The following ANKRD44 variants were observed in gnomAD, a reference collection of about 807,000 sequenced individuals.
ANKRD44 encodes serine/threonine-protein phosphatase 6 regulatory ankyrin repeat subunit B.
In ANKRD44, 35 loss-of-function variants were observed where a neutral mutation model predicts 116.0. The ratio of observed to expected loss-of-function variants is 0.30; its 90% CI spans 0.23 to 0.40. The LOEUF is 0.40. Among genes scored for constraint, ANKRD44 ranks in the 10% least tolerant of loss-of-function variants. The probability of loss-of-function intolerance (pLI) is 1.00; values close to 1 mark genes in which losing one functional copy is unlikely to be tolerated. For synonymous variants in ANKRD44, 435 were observed against 461.8 expected (o/e 0.94, Z 0.74); for missense variants, 1,014 against 1,242.6 (o/e 0.82, Z 2.77).
chr2:197,098,805 G>C (rs2078223449), intron 10 of ANKRD44, among the ~76,000 whole-genome samples: 1 of 152,122 alleles, frequency 6.6e-6, no homozygotes, highest in African/African-American at 2.4e-5. Context: ...AGTATTACTA[G>C]TATTACTACA....
chr2:197,279,919 T>C (rs2083214981), intron 1 of ANKRD44, among the ~76,000 whole-genome samples: 1 of 152,204 alleles, frequency 6.6e-6, no homozygotes, highest in African/African-American at 2.4e-5. Flanking sequence ...GAATCTCACC[T>C]CTTCGCCTCA....
At chr2:197,174,888 G>T (rs148452701) in intron 2 of ANKRD44, among the ~76,000 whole-genome samples, 1 of 152,186 alleles carries the variant, frequency 6.6e-6, no homozygotes, top group Admixed American at 6.5e-5. Context: ...GATCAGGGGA[G>T]GTGTCCCAGA....
chr2:197,079,134 A>G (rs2077737915), intron 15 of ANKRD44, among the ~76,000 whole-genome samples: 1 of 152,128 alleles, frequency 6.6e-6, no homozygotes, highest in Non-Finnish European at 1.5e-5. Flanking sequence ...AAGATTACTG[A>G]ATAGCAAGTT....
downstream of ANKRD44, among the ~76,000 whole-genome samples, chr2:196,983,132 A>G (rs560065985): frequency 1.6e-4 from 24 of 152,260 alleles, no homozygotes; most frequent in African/African-American, 4.3e-4. Context: ...ACCATGGCAC[A>G]TGTATACCTA....
intron 16 of ANKRD44, among the ~76,000 whole-genome samples, chr2:197,033,700 G>C (rs2076751899): frequency 6.8e-6 from 1 of 147,380 alleles, no homozygotes; most frequent in Non-Finnish European, 1.5e-5. Context: ...GTCTGTTTAT[G>C]TCTCTAACAA....
chr2:197,262,487 T>G (rs2082631095), intron 1 of ANKRD44, among the ~76,000 whole-genome samples: 1 of 152,214 alleles, frequency 6.6e-6, no homozygotes, highest in African/African-American at 2.4e-5. Context: ...TTCTGAAGCC[T>G]TTTCTCATTT....
intron 27 of ANKRD44, among the ~76,000 whole-genome samples, chr2:196,991,369 T>C (rs2075912587): frequency 6.6e-6 from 1 of 152,144 alleles, no homozygotes; most frequent in East Asian, 1.9e-4. Flanking sequence ...ACAATGACTT[T>C]CCATTGTTAG....
chr2:197,138,427 T>C (rs1315197844), intron 3 of ANKRD44, among the ~76,000 whole-genome samples: 2 of 149,854 alleles, frequency 1.3e-5, no homozygotes, highest in African/African-American at 4.9e-5. Context: ...GAGAAGAAAA[T>C]CCAGATGTGA....
chr2:196,995,551 G>C (rs1052399889), intron 25 of ANKRD44, 90 bp from the exon 26 acceptor site: 1 of 1,001,624 alleles, frequency 1.0e-6, no homozygotes, highest in African/African-American at 1.6e-5. Context: ...AATTGAAAAT[G>C]AATGTCGTCT....
intron 17 of ANKRD44, among the ~76,000 whole-genome samples, chr2:197,018,340 C>T (rs1210510524): frequency 6.6e-6 from 1 of 152,184 alleles, no homozygotes; most frequent in African/African-American, 2.4e-5. Flanking sequence ...AGCATGTCCC[C>T]TCACTCACTC....
At position 196,988,844 on chromosome 2, in the gene ANKRD44, G is replaced by T. The variant is rs917575804; in HGVS notation, c.*747C>A. On this transcript the variant is annotated 3_prime_UTR_variant, in exon 28 of 28. Transcript: ENST00000282272. ...CCATCATTTCTCATCAGGTTACTGA[G>T]ACTATGTGAGCTTTTCAGTGTACTT... 1.0e-6 allele frequency: 1 copy of T among 985,292 alleles called. No homozygotes were observed. Among genetic ancestry groups the T allele is most frequent in the Non-Finnish European group, 1.2e-6 (1 of 829,932 alleles). 61.0% of individuals were successfully genotyped at this position (985,292 alleles called of 1,614,324 possible).
At chr2:197,053,469 C>G (rs542927541) in intron 16 of ANKRD44, among the ~76,000 whole-genome samples, 4 of 152,166 alleles carry the variant, frequency 2.6e-5, no homozygotes, top group African/African-American at 9.6e-5. Flanking sequence ...AATTATAATT[C>G]ACTTCTACCT....
intron 1 of ANKRD44, among the ~76,000 whole-genome samples, chr2:197,256,161 G>A (rs989732705): frequency 6.6e-6 from 1 of 152,132 alleles, no homozygotes; most frequent in South Asian, 2.1e-4. Flanking sequence ...GCTCTAGATG[G>A]CAGAACACTA....
chr2:197,151,724 C>A (rs1435466387), intron 2 of ANKRD44, among the ~76,000 whole-genome samples: 1 of 152,170 alleles, frequency 6.6e-6, no homozygotes, highest in African/African-American at 2.4e-5. Flanking sequence ...TTTAAAATAT[C>A]TAGCCCTCTA....
intron 2 of ANKRD44, among the ~76,000 whole-genome samples, chr2:197,175,243 G>A (rs1423762004): frequency 3.3e-5 from 5 of 152,108 alleles, no homozygotes; most frequent in Admixed American, 6.5e-5. Context: ...GAGAAAAGCC[G>A]GTAATGGGCA....
At chr2:197,227,006 G>T (rs779106614) in intron 1 of ANKRD44, among the ~76,000 whole-genome samples, 31 of 152,142 alleles carry the variant, frequency 2.0e-4, no homozygotes, top group Non-Finnish European at 4.3e-4. Flanking sequence ...TACCCTAGGA[G>T]TTCACTGCTG....
At position 197,272,458 on chromosome 2, in the gene ANKRD44, G is replaced by A. The variant is rs555030460; in HGVS notation, c.27+38120C>T. On this transcript the variant is annotated intron_variant, in intron 1 of 27. Transcript: ENST00000282272. ...TCACCATGTTGGTCAGGCTGGTCTT[G>A]AACTCCTGACCTTGTGATCCGCCCG... is the stretch of plus-strand genomic sequence containing the variant. 4.6e-5 allele frequency among the ~76,000 whole-genome samples: 7 copies of A among 152,142 alleles called. No homozygotes were observed. In the South Asian group the frequency reaches 1.5e-3, roughly 32 times the overall value.
chr2:197,096,424 G>A (rs1014526133), intron 10 of ANKRD44, among the ~76,000 whole-genome samples: 2 of 152,074 alleles, frequency 1.3e-5, no homozygotes, highest in African/African-American at 2.4e-5. Context: ...GAGACAATCC[G>A]CAAACTAACA....
intron 17 of ANKRD44, among the ~76,000 whole-genome samples, chr2:197,024,686 T>G (rs1390462127): frequency 6.6e-6 from 1 of 152,196 alleles, no homozygotes; most frequent in Non-Finnish European, 1.5e-5. Flanking sequence ...AGCCTCAGAC[T>G]TCGTTGAAGA....
Sources: allele counts gnomAD v4.1 joint callset (sites outside exome capture counted in the v4.1 genomes callset), GRCh38; gene constraint gnomAD v4.1.1; transcripts MANE v1.5; gene names NCBI Gene and HGNC (gene_info 2026-07-23, HGNC 2026-07-21).